THEM4: variants seen among roughly 807,000 people sequenced by gnomAD.
THEM4 encodes thioesterase superfamily member 4, also known as acyl-coenzyme A thioesterase THEM4.
In THEM4, 22 loss-of-function variants were observed where a neutral mutation model predicts 25.0. The ratio of observed to expected loss-of-function variants is 0.88; its 90% CI spans 0.63 to 1.26. The LOEUF (loss-of-function observed/expected upper bound fraction) is 1.26. Ranked by LOEUF, THEM4 falls within the 50% of genes most tolerant of loss-of-function variation. The pLI, the probability that THEM4 is intolerant of heterozygous loss-of-function variation, is 0.00. For missense variants in THEM4, 286 were observed against 300.3 expected (o/e 0.95, Z 0.35); for synonymous variants, 113 against 105.6 (o/e 1.07, Z -0.43).
Position 151,873,015 on chromosome 1 carries a change from C to T in THEM4, c.*1873G>A, listed in dbSNP as rs1170889284. The stretch of plus-strand genomic sequence containing the variant: ...TCTGTCTCCTGCATGCCCCTGGGAA[C>T]AGCATGTCTTGGTGTAAAACCCGAT... On this transcript the variant is annotated 3_prime_UTR_variant, in exon 6 of 6. Coordinates refer to ENST00000368814, the MANE Select transcript of THEM4 (RefSeq NM_053055.5). 6.6e-6 allele frequency among the ~76,000 whole-genome samples: 1 copy of T among 152,168 alleles called. No individual in the cohort carries two copies.
intron 4 of THEM4, among the ~76,000 whole-genome samples, chr1:151,878,612 G>A (rs1236148187): frequency 2.0e-5 from 3 of 152,152 alleles, no homozygotes; most frequent in African/African-American, 7.2e-5. Flanking sequence ...GTTAAGAGTT[G>A]CCCTTGTAAC....
intron 4 of THEM4, among the ~76,000 whole-genome samples, chr1:151,878,889 T>TACACACACACACACACACACACACACAC (rs144026658): frequency 0.011 from 1,424 of 127,560 alleles, 84 homozygotes; most frequent in East Asian, 0.036. Flanking sequence ...TGTATATGTC[T>TACACACACACACACACACACACACACAC]ATACACACAC....
intron 4 of THEM4, among the ~76,000 whole-genome samples, chr1:151,877,400 T>C (rs992336359): frequency 6.6e-6 from 1 of 152,146 alleles, no homozygotes; most frequent in African/African-American, 2.4e-5. Flanking sequence ...GAATTCCAGC[T>C]CTGTGATGGC....
chr1:151,906,332 C>A (rs997314059), intron 1 of THEM4, among the ~76,000 whole-genome samples: 4 of 152,266 alleles, frequency 2.6e-5, no homozygotes, highest in Non-Finnish European at 4.4e-5. Flanking sequence ...GGCCCACTGG[C>A]GCTGCGCTCG....
intron 2 of THEM4, 81 bp from the exon 3 acceptor site, chr1:151,889,454 T>C: frequency 5.8e-6 from 8 of 1,377,120 alleles, no homozygotes; most frequent in African/African-American, 1.4e-5. Context: ...TGTACCCTGC[T>C]AGAATCACAT....
chr1:151,888,227 G>T, intron 4 of THEM4, 46 bp downstream of exon 4: 2 of 1,494,326 alleles, frequency 1.3e-6, no homozygotes, highest in South Asian at 1.2e-5. Context: ...CTGGGAACCT[G>T]ACTTAACAAC....
chr1:151,876,868 G>A, intron 5 of THEM4, 133 bp downstream of exon 5: 2 of 1,081,386 alleles, frequency 1.8e-6, no homozygotes, highest in Non-Finnish European at 2.6e-6. Context: ...TATAATACCA[G>A]GGCAAAAAAC....
intron 2 of THEM4, among the ~76,000 whole-genome samples, chr1:151,893,426 AAGAGAGAG>A (rs3071185): frequency 6.8e-6 from 1 of 146,898 alleles, no homozygotes; most frequent in African/African-American, 2.5e-5. Context: ...CCCAAAACAA[AAGAGAGAG>A]AGAGAGAGAG....
intron 3 of THEM4, among the ~76,000 whole-genome samples, 179 bp downstream of exon 3, chr1:151,889,035 A>C (rs1403781023): frequency 6.6e-6 from 1 of 152,152 alleles, no homozygotes; most frequent in Non-Finnish European, 1.5e-5. Context: ...ATATTTAATC[A>C]ATATTAATAA....
At chr1:151,906,341 C>T (rs1196053057) in intron 1 of THEM4, among the ~76,000 whole-genome samples, 1 of 152,256 alleles carries the variant, frequency 6.6e-6, no homozygotes, top group Non-Finnish European at 1.5e-5. Flanking sequence ...GCGCTGCGCT[C>T]GATTTCTCAC....
intron 1 of THEM4, among the ~76,000 whole-genome samples, chr1:151,901,707 G>T (rs2101730629): frequency 6.6e-6 from 1 of 152,244 alleles, no homozygotes; most frequent in African/African-American, 2.4e-5. Flanking sequence ...GCCAGGAGTG[G>T]TGGCATGCGC....
At chr1:151,876,957 C>G (rs770732122) in intron 5 of THEM4, 44 bp downstream of exon 5, 15 of 1,557,204 alleles carry the variant, frequency 9.6e-6, no homozygotes, top group Non-Finnish European at 1.3e-5. Context: ...ACTCCCAACC[C>G]AACCCAACTA....
At chr1:151,899,395 G>A (rs927642634) in intron 1 of THEM4, among the ~76,000 whole-genome samples, 2 of 151,682 alleles carry the variant, frequency 1.3e-5, no homozygotes, top group Admixed American at 6.6e-5. Flanking sequence ...GGAGGCTGAG[G>A]CAGGAGAATT....
chr1:151,877,195 A>G (rs1653704232), intron 4 of THEM4, 70 bp from the exon 5 acceptor site: 1 of 1,478,628 alleles, frequency 6.8e-7, no homozygotes, highest in South Asian at 1.3e-5. Context: ...AAGATGATCA[A>G]GTACATGACA....
chr1:151,905,775 G>C (rs1410578762), intron 1 of THEM4, among the ~76,000 whole-genome samples: 1 of 152,204 alleles, frequency 6.6e-6, no homozygotes, highest in Non-Finnish European at 1.5e-5. Context: ...TCTGTAACTA[G>C]TAACTTCAAG....
intron 2 of THEM4, among the ~76,000 whole-genome samples, chr1:151,893,276 G>A (rs1346550325): frequency 1.3e-5 from 2 of 151,564 alleles, no homozygotes; most frequent in East Asian, 1.9e-4. Flanking sequence ...AGAGGTTGAG[G>A]TGGGAGAATC....
intron 2 of THEM4, among the ~76,000 whole-genome samples, chr1:151,893,016 T>G (rs938260955): frequency 6.6e-6 from 1 of 151,932 alleles, no homozygotes; most frequent in African/African-American, 2.4e-5. Context: ...AGCTGAGAGG[T>G]TAGCGGACTC....
chr1:151,909,481 C>T lies in THEM4; in HGVS notation c.-23G>A. The T allele has an allele frequency of 7.3e-7, 1 of 1,372,392 alleles. No individual in the cohort carries two copies. The highest frequency in any genetic ancestry group is 9.3e-7 in the Non-Finnish European group (1 of 1,071,072). The allele number at this position is 1,372,392 out of a possible 1,614,324, so 85.0% of individuals were successfully genotyped here. On this transcript the variant is annotated 5_prime_UTR_variant, in exon 1 of 6. Coordinates refer to ENST00000368814, the MANE Select transcript of THEM4 (RefSeq NM_053055.5). ...CATGGCTCCGGGCCGCGGGGCCGCG[C>T]TTGCTCTAGCCCTGGACGGCGCACT...
intron 4 of THEM4, among the ~76,000 whole-genome samples, chr1:151,877,929 A>G (rs908878459): frequency 1.3e-5 from 2 of 152,150 alleles, no homozygotes; most frequent in Non-Finnish European, 1.5e-5. Flanking sequence ...CTCCTATGGT[A>G]CTACCAAGCA....
Sources: gnomAD v4.1 joint callset for allele counts (sites outside exome capture counted in the v4.1 genomes callset) on GRCh38, gnomAD v4.1.1 for gene constraint, MANE v1.5 for transcripts, NCBI Gene and HGNC (gene_info 2026-07-23, HGNC 2026-07-21) for gene names.